Variants in HSPA12A observed in about 807,000 individuals in gnomAD.
The protein encoded by HSPA12A is heat shock 70 kDa protein 12A.
Under a neutral mutation model 69.2 loss-of-function variants are expected in HSPA12A, and 28 were observed. The ratio of observed to expected loss-of-function variants is 0.40; its 90% CI spans 0.30 to 0.55. HSPA12A has a LOEUF of 0.55. Ranked by LOEUF, HSPA12A falls within the 20% of genes least tolerant of loss-of-function variation. HSPA12A has a pLI of 0.38. For missense variants in HSPA12A, 686 were observed against 900.7 expected, an observed-to-expected ratio of 0.76 and a Z score of 3.05; for synonymous variants, 345 against 370.5, an observed-to-expected ratio of 0.93 and a Z score of 0.79.
At chr10:116,840,073 T>C (rs975345447) in intron 1 of HSPA12A, among the ~76,000 whole-genome samples, 1 of 152,206 alleles carries the variant, frequency 6.6e-6, no homozygotes, top group Non-Finnish European at 1.5e-5. Flanking sequence ...TGTTCTCATA[T>C]AATAAATAAT....
chr10:116,751,691 C>T (rs186627175), intron 2 of HSPA12A, among the ~76,000 whole-genome samples: 46 of 152,220 alleles, frequency 3.0e-4, no homozygotes, highest in African/African-American at 1.0e-3. Context: ...GATGTTTGTC[C>T]CCTCCAAATC....
At chr10:116,699,374 C>T (rs534256267) in intron 4 of HSPA12A, among the ~76,000 whole-genome samples, 30 of 152,102 alleles carry the variant, frequency 2.0e-4, no homozygotes, top group Middle Eastern at 3.4e-3. Flanking sequence ...TGCTGGTGGA[C>T]GGAGATCATT....
At chr10:116,772,756 G>A (rs955747944) in intron 2 of HSPA12A, among the ~76,000 whole-genome samples, 7 of 151,956 alleles carry the variant, frequency 4.6e-5, no homozygotes, top group African/African-American at 7.3e-5. Context: ...GTGCAGTGGT[G>A]TGATCACGGC....
rs1849115446 is a variant in HSPA12A, at chr10:116,672,537, C to T, written c.*2244G>A. 5 of 152,448 alleles carry T rather than the reference C, an allele frequency of 3.3e-5. 1 individual carries two copies. The highest frequency in any genetic ancestry group is 1.2e-4 in the African/African-American group (5 of 41,536). 9.4% of individuals were successfully genotyped at this position (152,448 alleles called of 1,614,324 possible). A position where few individuals can be genotyped will look rare whatever the true frequency, so the allele number is the denominator to read the frequency against. ...ATTGCTCGGTCTTGCGTACATAGTC[C>T]ATAGCTTGGCATCAGCACAGATCGA... On this transcript the variant is annotated 3_prime_UTR_variant, in exon 12 of 12. Transcript: ENST00000369209.
At chr10:116,691,552 CAG>C (rs1849739551) in intron 6 of HSPA12A, among the ~76,000 whole-genome samples, 1 of 152,196 alleles carries the variant, frequency 6.6e-6, no homozygotes, top group Non-Finnish European at 1.5e-5. Flanking sequence ...TCTCAATACA[CAG>C]AGAGCTGACC....
intron 1 of HSPA12A, among the ~76,000 whole-genome samples, chr10:116,738,829 G>A (rs187826041): frequency 5.9e-5 from 9 of 152,226 alleles, no homozygotes; most frequent in African/African-American, 1.9e-4. Context: ...TGTGTCCAGG[G>A]CCAAAGGCGA....
At chr10:116,793,131 C>T (rs1050724124) in intron 2 of HSPA12A, among the ~76,000 whole-genome samples, 6 of 152,250 alleles carry the variant, frequency 3.9e-5, no homozygotes, top group South Asian at 4.2e-4. Context: ...ACAAAAACTA[C>T]GAGAATTCTC....
intron 2 of HSPA12A, among the ~76,000 whole-genome samples, chr10:116,756,707 G>C (rs75503573): frequency 0.024 from 3,627 of 152,300 alleles, 57 homozygotes; most frequent in Middle Eastern, 0.1. Flanking sequence ...CATAGTGGGA[G>C]TTCATTCATT....
At chr10:116,719,112 GCTT>G (rs1850696698) in intron 1 of HSPA12A, among the ~76,000 whole-genome samples, 1 of 152,122 alleles carries the variant, frequency 6.6e-6, no homozygotes, top group African/African-American at 2.4e-5. Flanking sequence ...TCCATTTCCT[GCTT>G]CTTAACTAAA....
At chr10:116,757,008 T>C (rs1554888840) in intron 2 of HSPA12A, among the ~76,000 whole-genome samples, 1 of 151,988 alleles carries the variant, frequency 6.6e-6, no homozygotes, top group African/African-American at 2.4e-5. Flanking sequence ...CCAACAACCC[T>C]AGAGACAGGT....
chr10:116,849,475 T>TG (rs1326209155), intron 1 of HSPA12A: 32 of 1,419,314 alleles, frequency 2.3e-5, no homozygotes, highest in Middle Eastern at 2.5e-4. Context: ...ACGCGAGATC[T>TG]GGGGGTCGGG....
At chr10:116,702,291 G>C (rs569591999) in intron 3 of HSPA12A, among the ~76,000 whole-genome samples, 1 of 152,054 alleles carries the variant, frequency 6.6e-6, no homozygotes, top group African/African-American at 2.4e-5. Flanking sequence ...CTGGCCTGCC[G>C]CTGGCCATGT....
intron 2 of HSPA12A, among the ~76,000 whole-genome samples, chr10:116,705,818 G>T (rs535507122): frequency 6.6e-6 from 1 of 151,882 alleles, no homozygotes; most frequent in Admixed American, 6.5e-5. Flanking sequence ...CACTGTGACT[G>T]TCAGGGCCCA....
chr10:116,847,131 C>T (rs1011585017), intron 1 of HSPA12A, among the ~76,000 whole-genome samples: 3 of 152,202 alleles, frequency 2.0e-5, no homozygotes, highest in Admixed American at 2.0e-4. Context: ...ACACCCAATG[C>T]ATCATATCGC....
chr10:116,748,652 G>A (rs533445790), intron 2 of HSPA12A, among the ~76,000 whole-genome samples: 1 of 152,318 alleles, frequency 6.6e-6, no homozygotes, highest in African/African-American at 2.4e-5. Flanking sequence ...ATGGCAGACA[G>A]TAAGAAGGAG....
chr10:116,724,266 C>T (rs4752005), intron 1 of HSPA12A, among the ~76,000 whole-genome samples: 43,729 of 152,036 alleles, frequency 0.29, 6,685 homozygotes, highest in East Asian at 0.39. Flanking sequence ...CCACTCTCTC[C>T]CCATGGGATC....
intron 1 of HSPA12A, among the ~76,000 whole-genome samples, chr10:116,740,726 T>C (rs573413997): frequency 8.7e-5 from 13 of 149,212 alleles, no homozygotes; most frequent in Middle Eastern, 3.4e-3. Context: ...ATAGGGGTGC[T>C]GAATTTGATT....
At chr10:116,687,464 C>G (rs1354700261) in intron 6 of HSPA12A, among the ~76,000 whole-genome samples, 1 of 152,170 alleles carries the variant, frequency 6.6e-6, no homozygotes, top group Non-Finnish European at 1.5e-5. Context: ...CAGTAGAGAG[C>G]TGAGGAGAGG....
upstream of HSPA12A, among the ~76,000 whole-genome samples, chr10:116,744,836 G>A (rs1293714546): frequency 6.6e-6 from 1 of 152,220 alleles, no homozygotes; most frequent in African/African-American, 2.4e-5. Flanking sequence ...CAGCAGCAAG[G>A]CTGGGGTTCA....
Sources: allele counts gnomAD v4.1 joint callset (sites outside exome capture counted in the v4.1 genomes callset), GRCh38; gene constraint gnomAD v4.1.1; transcripts MANE v1.5; gene names NCBI Gene and HGNC (gene_info 2026-07-23, HGNC 2026-07-21).